DSCAML1: variants seen among roughly 807,000 people sequenced by gnomAD.
DSCAML1 encodes the protein DS cell adhesion molecule like 1.
In DSCAML1, 38 loss-of-function variants were observed where a neutral mutation model predicts 200.5. The observed-to-expected ratio is 0.19, with a 90% CI of 0.15 to 0.25. DSCAML1 has a LOEUF of 0.25. Ranked by LOEUF, DSCAML1 falls within the 10% of genes least tolerant of loss-of-function variation. The pLI, the probability that DSCAML1 is intolerant of heterozygous loss-of-function variation, is 1.00. For missense variants in DSCAML1, 2,223 were observed against 2,858.8 expected, an observed-to-expected ratio of 0.78 and a Z score of 5.07; for synonymous variants, 1,215 against 1,165.0, an observed-to-expected ratio of 1.04 and a Z score of -0.87.
chr11:117,625,343 A>G (rs917706956), intron 3 of DSCAML1, among the ~76,000 whole-genome samples: 2 of 150,072 alleles, frequency 1.3e-5, no homozygotes, highest in African/African-American at 4.8e-5. Context: ...AATGAGAGAT[A>G]AGGCTTAAAA....
chr11:117,580,473 C>T (rs2051019102), intron 3 of DSCAML1, among the ~76,000 whole-genome samples: 1 of 152,192 alleles, frequency 6.6e-6, no homozygotes, highest in African/African-American at 2.4e-5. Context: ...TGGTAAAAGA[C>T]AGAGAATCAT....
intron 3 of DSCAML1, among the ~76,000 whole-genome samples, chr11:117,561,680 A>G (rs1361447739): frequency 1.3e-5 from 2 of 152,162 alleles, no homozygotes; most frequent in African/African-American, 2.4e-5. Context: ...TTAACAACTT[A>G]TCTTCACGTT....
chr11:117,661,241 C>T (rs2137644688), intron 3 of DSCAML1, among the ~76,000 whole-genome samples: 1 of 152,278 alleles, frequency 6.6e-6, no homozygotes, highest in Admixed American at 6.5e-5. Flanking sequence ...AAACTCAAGG[C>T]CTGGTAACCA....
intron 3 of DSCAML1, among the ~76,000 whole-genome samples, chr11:117,624,867 G>A (rs910222003): frequency 6.6e-6 from 1 of 152,178 alleles, no homozygotes; most frequent in Non-Finnish European, 1.5e-5. Flanking sequence ...TGGCAGAGGA[G>A]AGACAGAACA....
At chr11:117,696,310 C>T (rs1402135833) in intron 3 of DSCAML1, among the ~76,000 whole-genome samples, 1 of 152,136 alleles carries the variant, frequency 6.6e-6, no homozygotes, top group Admixed American at 6.5e-5. Context: ...GCATCTCACC[C>T]CTGAGTGGGA....
intron 3 of DSCAML1, among the ~76,000 whole-genome samples, chr11:117,603,682 G>A (rs1310753548): frequency 6.6e-6 from 1 of 152,174 alleles, no homozygotes; most frequent in Non-Finnish European, 1.5e-5. Flanking sequence ...AAAAAGGGGA[G>A]ATCAATTCCT....
At chr11:117,513,983 C>T (rs954952014) in intron 8 of DSCAML1, among the ~76,000 whole-genome samples, 1 of 152,192 alleles carries the variant, frequency 6.6e-6, no homozygotes, top group African/African-American at 2.4e-5. Flanking sequence ...CCACCAGGCC[C>T]TTCCACCGGA....
chr11:117,670,255 C>T (rs954925007), intron 3 of DSCAML1, among the ~76,000 whole-genome samples: 4 of 152,098 alleles, frequency 2.6e-5, no homozygotes, highest in Admixed American at 2.6e-4. Context: ...ATCCAATTGC[C>T]AGGCTTACCA....
intron 3 of DSCAML1, among the ~76,000 whole-genome samples, chr11:117,533,663 A>G (rs2050119766): frequency 1.3e-5 from 2 of 152,198 alleles, no homozygotes; most frequent in African/African-American, 2.4e-5. Flanking sequence ...CACAGGTGGC[A>G]GCGTGCCCAC....
intron 3 of DSCAML1, among the ~76,000 whole-genome samples, chr11:117,649,134 T>C (rs2052579080): frequency 6.6e-6 from 1 of 150,884 alleles, no homozygotes; most frequent in South Asian, 2.1e-4. Context: ...TTGAGTGCAA[T>C]GGCATGATCT....
At position 117,780,110 on chromosome 11, in the gene DSCAML1, G is replaced by T. The variant is rs1318041425; in HGVS notation, c.364+383C>A. ...CCACTGCACTCCAGTCTGGGCGACAGAGTGAGGCTCTGTCTCAAAAAGCAA... is the reference window on the plus strand; with the variant it reads ...CCACTGCACTCCAGTCTGGGCGACATAGTGAGGCTCTGTCTCAAAAAGCAA... On this transcript the variant is annotated intron_variant, in intron 2 of 32. Coordinates refer to ENST00000651296, the MANE Select transcript of DSCAML1 (RefSeq NM_020693.4). The surrounding 1 kb of genome is among the most constrained non-coding windows in gnomAD (Gnocchi z 4.8). 1.3e-5 allele frequency among the ~76,000 whole-genome samples: 2 copies of T among 150,670 alleles called. No homozygotes were observed. Among genetic ancestry groups the T allele is most frequent in the African/African-American group, 4.9e-5 (2 of 40,694 alleles).
chr11:117,442,192 T>C (rs2368155), intron 21 of DSCAML1, among the ~76,000 whole-genome samples: 31,421 of 151,232 alleles, frequency 0.21, 4,405 homozygotes, highest in East Asian at 0.49. Flanking sequence ...AGTGTGTATG[T>C]GTGTGCATGT....
chr11:117,462,835 T>G (rs2137153540), intron 17 of DSCAML1, among the ~76,000 whole-genome samples: 1 of 152,330 alleles, frequency 6.6e-6, no homozygotes, highest in Admixed American at 6.5e-5. Flanking sequence ...AACGAGGGCC[T>G]TAATTAAGTA....
At chr11:117,603,266 TGGTA>T (rs1381729599) in intron 3 of DSCAML1, among the ~76,000 whole-genome samples, 1 of 152,206 alleles carries the variant, frequency 6.6e-6, no homozygotes, top group Non-Finnish European at 1.5e-5. Context: ...ATCCTAAAAC[TGGTA>T]GTGACCTTGG....
At chr11:117,766,512 G>A (rs562442677) in intron 3 of DSCAML1, among the ~76,000 whole-genome samples, 16 of 152,340 alleles carry the variant, frequency 1.1e-4, no homozygotes, top group Non-Finnish European at 1.8e-4. Context: ...AAACAAAAAT[G>A]AGGTAGTCTA....
In DSCAML1 at chr11:117,507,884, C is replaced by T. The variant is rs563206907; in HGVS notation, c.1784-2152G>A. Among the ~76,000 whole-genome samples the T allele has an allele frequency of 4.6e-5, 7 of 152,278 alleles. No individual in the cohort carries two copies. The South Asian group carries it at 6.2e-4, about 14-fold the overall frequency. On this transcript the variant is annotated intron_variant, in intron 8 of 32. Coordinates refer to ENST00000651296, the MANE Select transcript of DSCAML1 (RefSeq NM_020693.4). Reference sequence around the variant, plus strand: ...CTTTTCCTGGGTTGGGACTCTGCCCCCAGTATTCTGAGTGGTTTATCGGGC... The same window carrying T: ...CTTTTCCTGGGTTGGGACTCTGCCCTCAGTATTCTGAGTGGTTTATCGGGC...
At chr11:117,457,552 G>A (rs1450064339) in intron 19 of DSCAML1, among the ~76,000 whole-genome samples, 1 of 152,202 alleles carries the variant, frequency 6.6e-6, no homozygotes, top group Non-Finnish European at 1.5e-5. Context: ...AGCTGTCCCA[G>A]GAGGCCTTGA....
At chr11:117,619,005 C>T (rs1591328446) in intron 3 of DSCAML1, among the ~76,000 whole-genome samples, 2 of 152,184 alleles carry the variant, frequency 1.3e-5, no homozygotes, top group Non-Finnish European at 2.9e-5. Context: ...CCAACGCACC[C>T]AGCCCCAGCC....
At chr11:117,705,200 A>G (rs961254007) in intron 3 of DSCAML1, among the ~76,000 whole-genome samples, 7 of 152,160 alleles carry the variant, frequency 4.6e-5, no homozygotes, top group Admixed American at 4.6e-4. Flanking sequence ...CTGTTATTAA[A>G]ATGAGTTTGC....
Sources: gnomAD v4.1 joint callset for allele counts (sites outside exome capture counted in the v4.1 genomes callset) on GRCh38, gnomAD v4.1.1 for gene constraint, Gnocchi (gnomAD v3.1) non-coding constraint, MANE v1.5 for transcripts, NCBI Gene and HGNC (gene_info 2026-07-23, HGNC 2026-07-21) for gene names.